GRAMD1C: variants seen among roughly 807,000 people sequenced by gnomAD.
GRAMD1C encodes the protein protein Aster-C.
In GRAMD1C, 89 loss-of-function variants were observed where a neutral mutation model predicts 97.8. The observed-to-expected ratio is 0.91, with a 90% confidence interval of 0.77 to 1.09. GRAMD1C has a LOEUF of 1.09. Among genes scored for constraint, GRAMD1C ranks in the 50% least tolerant of loss-of-function variants. The pLI is 0.00. For synonymous variants in GRAMD1C, 256 were observed against 267.0 expected, an observed-to-expected ratio of 0.96 and a Z score of 0.40; for missense variants, 740 against 766.4, an observed-to-expected ratio of 0.97 and a Z score of 0.41.
At chr3:113,874,367 T>C (rs1934944233) in intron 3 of GRAMD1C, among the ~76,000 whole-genome samples, 1 of 152,062 alleles carries the variant, frequency 6.6e-6, no homozygotes, top group African/African-American at 2.4e-5. Flanking sequence ...ATCAACTTTT[T>C]TTTTTTTTGG....
Position 113,841,582 on chromosome 3 carries a change from G to A in GRAMD1C, c.27+2646G>A, listed in dbSNP as rs115677150. 3.2e-3 allele frequency among the ~76,000 whole-genome samples: 485 copies of A among 152,200 alleles called. 4 individuals are homozygous for A. The highest frequency in any genetic ancestry group is 0.011 in the African/African-American group (467 of 41,540). Reference sequence around the variant, plus strand: ...AGATTACAGCATGGCGTGAGCCACCGTGCCTGGCTGAAGTAGGTCTTACAT... The same window carrying A: ...AGATTACAGCATGGCGTGAGCCACCATGCCTGGCTGAAGTAGGTCTTACAT... On this transcript the variant is annotated intron_variant, in intron 1 of 17. Transcript: ENST00000358160.
chr3:113,912,174 A>G (rs1936627344), intron 9 of GRAMD1C, among the ~76,000 whole-genome samples: 1 of 152,176 alleles, frequency 6.6e-6, no homozygotes, highest in South Asian at 2.1e-4. Flanking sequence ...TTAAAGGGGT[A>G]GAGAGAGGCT....
intron 10 of GRAMD1C, among the ~76,000 whole-genome samples, chr3:113,921,076 CAAG>C (rs1937030892): frequency 6.6e-6 from 1 of 152,152 alleles, no homozygotes; most frequent in Non-Finnish European, 1.5e-5. Flanking sequence ...CCTCCACCCT[CAAG>C]TAGGCTCCAG....
At chr3:113,829,751 C>T (rs1042880034) in intron 1 of GRAMD1C, among the ~76,000 whole-genome samples, 4 of 152,002 alleles carry the variant, frequency 2.6e-5, no homozygotes, top group Non-Finnish European at 4.4e-5. Context: ...CGTCACTTAA[C>T]AACTGGGATA....
intron 6 of GRAMD1C, among the ~76,000 whole-genome samples, chr3:113,889,698 T>TGGCGATCTCGGCTCACTGCAAC (rs1935642953): frequency 6.6e-6 from 1 of 151,810 alleles, no homozygotes; most frequent in Non-Finnish European, 1.5e-5. Flanking sequence ...TAGAGTGCAA[T>TGGCGATCTCGGCTCACTGCAAC]GGCGATCTCG....
At chr3:113,839,012 C>A (rs1298904126) in intron 1 of GRAMD1C, 76 bp downstream of exon 1, 5 of 918,014 alleles carry the variant, frequency 5.4e-6, no homozygotes, top group African/African-American at 5.1e-5. Context: ...ATTGCTTGAA[C>A]CTTCTCAGAT....
At chr3:113,943,300 C>T (rs1937894446) in intron 17 of GRAMD1C, among the ~76,000 whole-genome samples, 1 of 152,204 alleles carries the variant, frequency 6.6e-6, no homozygotes, top group African/African-American at 2.4e-5. Context: ...TGTATCTAAT[C>T]TTGCTTTCTT....
In GRAMD1C at chr3:113,885,711, T is replaced by G. The variant is rs902553156; in HGVS notation, c.540+2879T>G. ...TACAGAAAGCATGGAGATCTATGGC[T>G]TTGCTGTGGCAGGTAAACTGGACAA... On this transcript the variant is annotated intron_variant, in intron 6 of 17. Transcript: ENST00000358160. 3.9e-6 allele frequency: 6 copies of G among 1,541,186 alleles called. No homozygotes were observed. In the Admixed American group the frequency reaches 5.0e-5, roughly 13 times the overall value.
chr3:113,858,378 A>C (rs1174429330), intron 2 of GRAMD1C, among the ~76,000 whole-genome samples: 1 of 132,872 alleles, frequency 7.5e-6, no homozygotes, highest in African/African-American at 2.9e-5. Flanking sequence ...GATTACAGGC[A>C]TGTAATCCCA....
intron 3 of GRAMD1C, among the ~76,000 whole-genome samples, chr3:113,874,362 C>CTT (rs770426074): frequency 6.9e-6 from 1 of 145,402 alleles, no homozygotes. Flanking sequence ...AGAGAATCAA[C>CTT]TTTTTTTTTT....
At chr3:113,850,174 A>G (rs1016243722) in intron 2 of GRAMD1C, 1 of 443,034 alleles carries the variant, frequency 2.3e-6, no homozygotes, top group Non-Finnish European at 4.4e-6. Flanking sequence ...TGTCAATTGT[A>G]TATACTTACT....
chr3:113,924,673 TG>T (rs1473833169), intron 10 of GRAMD1C, among the ~76,000 whole-genome samples: 1 of 152,238 alleles, frequency 6.6e-6, no homozygotes, highest in Non-Finnish European at 1.5e-5. Context: ...TGCTTAGAAT[TG>T]TTTAATGGCT....
intron 15 of GRAMD1C, 97 bp from the exon 16 acceptor site, chr3:113,939,789 A>C (rs981706394): frequency 1.3e-5 from 9 of 678,330 alleles, no homozygotes; most frequent in Non-Finnish European, 2.4e-5. Flanking sequence ...AACAGTGTAG[A>C]CAATACACAT....
intron 14 of GRAMD1C, 65 bp downstream of exon 14, chr3:113,936,507 C>G (rs1937581635): frequency 8.8e-6 from 9 of 1,027,418 alleles, no homozygotes; most frequent in Non-Finnish European, 1.3e-5. Context: ...CAGAATGTGC[C>G]TCTTGTTTGT....
chr3:113,862,573 G>A (rs978048627), intron 2 of GRAMD1C, among the ~76,000 whole-genome samples: 4 of 152,114 alleles, frequency 2.6e-5, no homozygotes, highest in African/African-American at 7.2e-5. Context: ...CGAATAATTT[G>A]TGCAGTTAAC....
chr3:113,933,130 C>T (rs578248673), intron 11 of GRAMD1C, among the ~76,000 whole-genome samples: 11 of 152,160 alleles, frequency 7.2e-5, no homozygotes, highest in Non-Finnish European at 1.6e-4. Context: ...AATGATCCAC[C>T]CACATCAGCT....
At chr3:113,832,239 G>T (rs1488749431) in intron 1 of GRAMD1C, among the ~76,000 whole-genome samples, 13 of 152,046 alleles carry the variant, frequency 8.6e-5, no homozygotes, top group Non-Finnish European at 7.4e-5. Flanking sequence ...TGTTGGCCCG[G>T]TTGGTCTTGA....
chr3:113,841,968 G>A (rs1028371442), intron 1 of GRAMD1C, among the ~76,000 whole-genome samples: 1 of 152,200 alleles, frequency 6.6e-6, no homozygotes, highest in South Asian at 2.1e-4. Context: ...AAAATGTTGG[G>A]ATTATACGTG....
intron 6 of GRAMD1C, among the ~76,000 whole-genome samples, chr3:113,892,832 C>G (rs149974081): frequency 1.3e-5 from 2 of 152,230 alleles, no homozygotes; most frequent in East Asian, 3.9e-4. Flanking sequence ...CACTCCACTC[C>G]TCAGCTCTTT....
Sources: allele counts gnomAD v4.1 joint callset (sites outside exome capture counted in the v4.1 genomes callset), GRCh38; gene constraint gnomAD v4.1.1; transcripts MANE v1.5; gene names NCBI Gene and HGNC (gene_info 2026-07-23, HGNC 2026-07-21).